KCNT2: variants seen among roughly 807,000 people sequenced by gnomAD.
KCNT2 encodes potassium sodium-activated channel subfamily T member 2, also known as potassium channel subfamily T member 2.
In KCNT2, 67 loss-of-function variants were observed where a neutral mutation model predicts 153.8. The ratio of observed to expected loss-of-function variants is 0.44; its 90% CI spans 0.36 to 0.53. The LOEUF (loss-of-function observed/expected upper bound fraction) is 0.53. Ranked by LOEUF, KCNT2 falls within the 20% of genes least tolerant of loss-of-function variation. The pLI, the probability that KCNT2 is intolerant of heterozygous loss-of-function variation, is 0.00. For missense variants in KCNT2, 975 were observed against 1,354.8 expected (o/e 0.72, Z 4.40); for synonymous variants, 500 against 458.8 (o/e 1.09, Z -1.15).
intron 1 of KCNT2, among the ~76,000 whole-genome samples, chr1:196,555,921 A>AAT (rs1341548614): frequency 6.6e-6 from 1 of 151,496 alleles, no homozygotes; most frequent in Admixed American, 6.6e-5. Flanking sequence ...CTCTTCTATA[A>AAT]ATAGTGCTGG....
At chr1:196,360,616 T>G (rs551881034) in intron 14 of KCNT2, among the ~76,000 whole-genome samples, 1 of 152,086 alleles carries the variant, frequency 6.6e-6, no homozygotes, top group African/African-American at 2.4e-5. Context: ...CCTATTACAA[T>G]CTGACTGGTG....
At chr1:196,444,307 A>G (rs1467790567) in intron 8 of KCNT2, among the ~76,000 whole-genome samples, 1 of 151,452 alleles carries the variant, frequency 6.6e-6, no homozygotes, top group African/African-American at 2.4e-5. Flanking sequence ...TTCTAAATAT[A>G]CCTTTACTCC....
chr1:196,390,394 G>C (rs1018370578), intron 13 of KCNT2, among the ~76,000 whole-genome samples: 1 of 151,490 alleles, frequency 6.6e-6, no homozygotes, highest in African/African-American at 2.4e-5. Context: ...GAAAAAGTGA[G>C]AGTAGCAAAG....
At chr1:196,383,358 A>T (rs556895779) in intron 13 of KCNT2, among the ~76,000 whole-genome samples, 11 of 152,272 alleles carry the variant, frequency 7.2e-5, no homozygotes, top group Admixed American at 5.2e-4. Context: ...TCCACTAATT[A>T]TGCATTTGGA....
At chr1:196,549,052 C>T (rs1005747023) in intron 1 of KCNT2, among the ~76,000 whole-genome samples, 1 of 151,916 alleles carries the variant, frequency 6.6e-6, no homozygotes, top group Non-Finnish European at 1.5e-5. Context: ...ATACCTAATG[C>T]TAGATGACGA....
rs553918055 is a variant in KCNT2, at chr1:196,591,311, C to T, written c.95+16904G>A. Among the ~76,000 whole-genome samples, 160 of 152,110 alleles carry T rather than the reference C, an allele frequency of 1.1e-3. 1 individual carries two copies. Among genetic ancestry groups the T allele is most frequent in the Non-Finnish European group, 1.9e-3 (131 of 67,992 alleles). On this transcript the variant is annotated intron_variant, in intron 1 of 27. Transcript: ENST00000294725. ...ACAATAAGTGGAAGCTTCCTGAGGC[C>T]CTCCCCAGAAAAAGGATGCTGGTAC...
intron 25 of KCNT2, among the ~76,000 whole-genome samples, chr1:196,271,454 G>T (rs1008193286): frequency 7.9e-5 from 12 of 151,990 alleles, no homozygotes; most frequent in African/African-American, 2.9e-4. Context: ...AGAAAGCCAT[G>T]ACTACGTAGT....
chr1:196,404,716 AT>A (rs1284224846), intron 12 of KCNT2, among the ~76,000 whole-genome samples: 2 of 151,680 alleles, frequency 1.3e-5, no homozygotes, highest in Non-Finnish European at 3.0e-5. Context: ...AATTTTTAGC[AT>A]TTTTAAAAGT....
intron 6 of KCNT2, among the ~76,000 whole-genome samples, chr1:196,468,560 A>T (rs188261004): frequency 1.8e-3 from 277 of 152,188 alleles, no homozygotes; most frequent in African/African-American, 6.0e-3. Context: ...ACTTTTGACA[A>T]TCTCCTTACT....
Position 196,361,077 on chromosome 1 carries a change from C to T in KCNT2, c.1403+12063G>A, listed in dbSNP as rs563948154. On this transcript the variant is annotated intron_variant, in intron 14 of 27. Transcript: ENST00000294725. ...TCAGCAGAAAGTTCCACATTTCTTC[C>T]CAGGACATAGTTAGTTGAACAGCAG... Among the ~76,000 whole-genome samples, 8 of 152,028 alleles carry T rather than the reference C, an allele frequency of 5.3e-5. No individual in the cohort carries two copies. The South Asian group carries it at 1.5e-3, about 28-fold the overall frequency.
chr1:196,292,085 C>T (rs1660235621), intron 22 of KCNT2, among the ~76,000 whole-genome samples: 3 of 152,210 alleles, frequency 2.0e-5, no homozygotes, highest in South Asian at 4.1e-4. Flanking sequence ...CAATTCTAAG[C>T]AATACAACTA....
intron 11 of KCNT2, among the ~76,000 whole-genome samples, chr1:196,424,215 T>A (rs1673454105): frequency 6.6e-6 from 1 of 151,906 alleles, no homozygotes; most frequent in Non-Finnish European, 1.5e-5. Context: ...ATTAGTTACA[T>A]TAATCCTAAA....
intron 14 of KCNT2, among the ~76,000 whole-genome samples, chr1:196,347,032 C>T (rs1053104643): frequency 6.6e-6 from 1 of 152,088 alleles, no homozygotes; most frequent in African/African-American, 2.4e-5. Context: ...ATGATCTTGC[C>T]AGCATGGGTA....
chr1:196,251,978 C>T (rs1290301670), intron 26 of KCNT2, among the ~76,000 whole-genome samples: 2 of 151,698 alleles, frequency 1.3e-5, no homozygotes, highest in East Asian at 3.9e-4. Context: ...ACATATATGG[C>T]GTTTTGCTTT....
chr1:196,528,891 C>T (rs554370627), intron 1 of KCNT2, among the ~76,000 whole-genome samples: 1 of 152,048 alleles, frequency 6.6e-6, no homozygotes, highest in Non-Finnish European at 1.5e-5. Context: ...AGACATGATA[C>T]GATTGTGCAT....
chr1:196,491,145 G>A (rs901699184), intron 2 of KCNT2, among the ~76,000 whole-genome samples: 41 of 151,972 alleles, frequency 2.7e-4, no homozygotes, highest in African/African-American at 9.7e-4. Flanking sequence ...TTCAAACAAT[G>A]CATCCACCTT....
rs774751895 is a variant in KCNT2, at chr1:196,373,288, T to C, written c.1295-40A>G. ...ATAGGTAAATTAGAATAATTTACCT[T>C]TGGAGAGTAATAAAATGTAAAAAAT... is the stretch of plus-strand genomic sequence containing the variant. On this transcript the variant is annotated intron_variant, in intron 13 of 27. Transcript: ENST00000294725. 4 of 861,468 alleles carry C rather than the reference T, an allele frequency of 4.6e-6. No homozygotes were observed. The East Asian group carries it at 7.3e-5, about 16-fold the overall frequency. 53.4% of individuals were successfully genotyped at this position (861,468 alleles called of 1,614,324 possible).
intron 13 of KCNT2, 110 bp downstream of exon 13, chr1:196,398,453 C>A (rs1375392910): frequency 1.4e-5 from 8 of 559,616 alleles, no homozygotes; most frequent in Non-Finnish European, 2.6e-5. Flanking sequence ...ATTTTCAGTT[C>A]TTTAGAATCT....
chr1:196,511,104 G>A lies in KCNT2; in HGVS notation c.96-18763C>T, dbSNP rs559813774. Among the ~76,000 whole-genome samples, 15 of 127,348 alleles carry A rather than the reference G, an allele frequency of 1.2e-4. No homozygotes were observed. The South Asian group carries it at 1.5e-3, about 13-fold the overall frequency. The allele number at this position is 127,348 out of a possible 152,430, so 83.5% of individuals were successfully genotyped here. ...AAGTTGAATAAATTATTACACATACGTAAACACACACAACACACACACACA... is the reference window on the plus strand; with the variant it reads ...AAGTTGAATAAATTATTACACATACATAAACACACACAACACACACACACA... On this transcript the variant is annotated intron_variant, in intron 1 of 27. Transcript: ENST00000294725.
Sources: gnomAD v4.1 joint callset for allele counts (sites outside exome capture counted in the v4.1 genomes callset) on GRCh38, gnomAD v4.1.1 for gene constraint, MANE v1.5 for transcripts, NCBI Gene and HGNC (gene_info 2026-07-23, HGNC 2026-07-21) for gene names.